Variants in ABI1 observed in about 807,000 individuals in gnomAD.
ABI1 encodes Abelson interactor 1.
ABI1 carries 14 observed loss-of-function variants against 54.6 expected under a neutral mutation model. The ratio of observed to expected loss-of-function variants is 0.26; its 90% CI spans 0.17 to 0.40. ABI1 has a LOEUF of 0.40. Among genes scored for constraint, ABI1 ranks in the 10% least tolerant of loss-of-function variants. The probability of loss-of-function intolerance (pLI) is 1.00; values close to 1 mark genes in which losing one functional copy is unlikely to be tolerated. For synonymous variants in ABI1, 194 were observed against 209.3 expected (o/e 0.93, Z 0.63); for missense variants, 443 against 598.3 (o/e 0.74, Z 2.71).
rs61653104 is a variant in ABI1 at position 26,833,769 on chromosome 10, T to TACACACACACACACAC, written c.118-10480_118-10465dup. ...CAGATAATGTATATCACAATATTTATACACACACACACACACACACACACT... is the reference window on the plus strand; with the variant it reads ...CAGATAATGTATATCACAATATTTATACACACACACACACACACACACACACACACACACACACACT... On this transcript the variant is annotated intron_variant, in intron 1 of 10. Transcript: ENST00000376140. Among the ~76,000 whole-genome samples, 597 of 150,282 alleles carry TACACACACACACACAC rather than the reference T, an allele frequency of 4.0e-3. 2 individuals are homozygous for TACACACACACACACAC. The highest frequency in any genetic ancestry group is 6.6e-3 in the Non-Finnish European group (446 of 67,452).
At chr10:26,749,068 C>A (rs1278207560) in intron 10 of ABI1, among the ~76,000 whole-genome samples, 1 of 152,132 alleles carries the variant, frequency 6.6e-6, no homozygotes, top group Non-Finnish European at 1.5e-5. Context: ...ATGCAAAGCA[C>A]CGGCTTTTCA....
chr10:26,771,150 C>T lies in ABI1; in HGVS notation c.463-61G>A, dbSNP rs540715761. 8.5e-5 allele frequency: 132 copies of T among 1,553,766 alleles called. 2 individuals carry two copies. The Middle Eastern group carries it at 9.9e-3, about 117-fold the overall frequency. On this transcript the variant is annotated intron_variant, in intron 3 of 10. Transcript: ENST00000376140. ...ACATTAATGCTAGGTAAGTTATATC[C>T]GATAGGACAGGTTTACATTTACAGT...
At chr10:26,795,052 A>G (rs1843964773) in intron 2 of ABI1, among the ~76,000 whole-genome samples, 1 of 152,098 alleles carries the variant, frequency 6.6e-6, no homozygotes, top group Non-Finnish European at 1.5e-5. Flanking sequence ...GCTGAGGTAC[A>G]AGAATTGCTT....
chr10:26,817,023 G>GTGTGT (rs2047617285), intron 2 of ABI1, among the ~76,000 whole-genome samples: 1 of 113,698 alleles, frequency 8.8e-6, no homozygotes, highest in Non-Finnish European at 1.8e-5. Context: ...TGTGTGTGAC[G>GTGTGT]GAGTCTTACT....
chr10:26,779,409 C>T (rs1841833991), intron 2 of ABI1, among the ~76,000 whole-genome samples: 1 of 152,166 alleles, frequency 6.6e-6, no homozygotes, highest in Admixed American at 6.5e-5. Flanking sequence ...GGAGGACTTC[C>T]TTATCAAGCT....
At chr10:26,786,896 A>G (rs1259387938) in intron 2 of ABI1, among the ~76,000 whole-genome samples, 1 of 152,196 alleles carries the variant, frequency 6.6e-6, no homozygotes, top group Non-Finnish European at 1.5e-5. Flanking sequence ...TAAAACTGAC[A>G]TTCTCTCAGA....
At chr10:26,849,840 T>C (rs910742623) in intron 1 of ABI1, among the ~76,000 whole-genome samples, 2 of 152,212 alleles carry the variant, frequency 1.3e-5, no homozygotes, top group Non-Finnish European at 2.9e-5. Flanking sequence ...TATAATGAAA[T>C]GTGTCAACAT....
intron 2 of ABI1, among the ~76,000 whole-genome samples, chr10:26,801,079 G>A (rs1176432912): frequency 6.6e-6 from 1 of 152,038 alleles, no homozygotes; most frequent in Non-Finnish European, 1.5e-5. Context: ...GGAAGATGAA[G>A]GAGACATGAC....
intron 9 of ABI1, among the ~76,000 whole-genome samples, chr10:26,753,832 C>T (rs1449973731): frequency 6.6e-6 from 1 of 152,188 alleles, no homozygotes; most frequent in East Asian, 1.9e-4. Flanking sequence ...GACCCAAGTT[C>T]ATATGTTTGG....
chr10:26,766,910 C>A (rs1030868250), intron 6 of ABI1, among the ~76,000 whole-genome samples: 5 of 152,182 alleles, frequency 3.3e-5, no homozygotes, highest in Non-Finnish European at 7.3e-5. Context: ...AACACAGCCA[C>A]ATTCATTTAC....
chr10:26,758,868 A>T lies in ABI1; in HGVS notation c.997+194T>A, dbSNP rs74126838. Among the ~76,000 whole-genome samples the T allele has an allele frequency of 9.2e-3, 1,404 of 152,326 alleles. 18 individuals carry two copies. Among genetic ancestry groups the T allele is most frequent in the African/African-American group, 0.032 (1,347 of 41,558 alleles). On this transcript the variant is annotated intron_variant, in intron 8 of 10. Coordinates refer to ENST00000376140, the MANE Select transcript of ABI1 (RefSeq NM_001012750.3). Reference sequence around the variant, plus strand: ...TAGTTAAGTATACTTGGTAAGTCTAAATTTTGGAAGAGAAAGTGGTAAACA... The same window carrying T: ...TAGTTAAGTATACTTGGTAAGTCTATATTTTGGAAGAGAAAGTGGTAAACA...
intron 1 of ABI1, among the ~76,000 whole-genome samples, chr10:26,853,956 G>A (rs1173439617): frequency 2.0e-5 from 3 of 151,996 alleles, no homozygotes; most frequent in African/African-American, 7.3e-5. Flanking sequence ...CTTCCTTTCT[G>A]GCTAACATAT....
At chr10:26,831,351 T>G (rs1221264689) in intron 1 of ABI1, among the ~76,000 whole-genome samples, 2 of 152,054 alleles carry the variant, frequency 1.3e-5, no homozygotes, top group Non-Finnish European at 2.9e-5. Context: ...AAGACCAGAC[T>G]GGCCAGCATG....
At chr10:26,812,027 C>T (rs1235012157) in intron 2 of ABI1, among the ~76,000 whole-genome samples, 2 of 152,084 alleles carry the variant, frequency 1.3e-5, no homozygotes, top group African/African-American at 2.4e-5. Flanking sequence ...CTTGACTTAT[C>T]GCCACATCAT....
At chr10:26,827,518 C>T (rs1234183472) in intron 1 of ABI1, among the ~76,000 whole-genome samples, 4 of 152,088 alleles carry the variant, frequency 2.6e-5, no homozygotes, top group Non-Finnish European at 4.4e-5. Context: ...CCACCACGCC[C>T]AGCCTGGTTT....
chr10:26,814,059 G>A (rs1368980911), intron 2 of ABI1, among the ~76,000 whole-genome samples: 1 of 152,032 alleles, frequency 6.6e-6, no homozygotes, highest in Non-Finnish European at 1.5e-5. Context: ...CAGTAACTAG[G>A]TTTTTGCCTA....
chr10:26,776,504 C>T (rs1363371359), intron 3 of ABI1: 2 of 152,186 alleles, frequency 1.3e-5, no homozygotes, highest in African/African-American at 4.8e-5. Context: ...TACAGGTATC[C>T]TTCAAGATCA....
In ABI1 at chr10:26,750,694, T is replaced by C. The variant is rs543946643; in HGVS notation, c.1270+904A>G. ...ATCACAAGCATTTTTCAGAACTCTA[T>C]AGAAATACAGATTTTATTTTTAATT... On this transcript the variant is annotated intron_variant, in intron 10 of 10. Transcript: ENST00000376140. Among the ~76,000 whole-genome samples, 465 of 152,250 alleles carry C rather than the reference T, an allele frequency of 3.1e-3. 4 individuals carry two copies. The highest frequency in any genetic ancestry group is 0.011 in the African/African-American group (437 of 41,566).
chr10:26,756,340 G>A (rs1158729788), intron 8 of ABI1, among the ~76,000 whole-genome samples: 1 of 152,006 alleles, frequency 6.6e-6, no homozygotes, highest in African/African-American at 2.4e-5. Context: ...TGTAAAACAA[G>A]GTTGTTATTT....
Sources: gnomAD v4.1 joint callset for allele counts (sites outside exome capture counted in the v4.1 genomes callset) on GRCh38, gnomAD v4.1.1 for gene constraint, MANE v1.5 for transcripts, NCBI Gene and HGNC (gene_info 2026-07-23, HGNC 2026-07-21) for gene names.